GPATCH1: variants seen among roughly 807,000 people sequenced by gnomAD.
GPATCH1 encodes G-patch domain containing 1.
A neutral mutation model predicts 114.9 loss-of-function variants in GPATCH1; 73 were observed. The ratio of observed to expected loss-of-function variants is 0.64; its 90% confidence interval spans 0.53 to 0.77. The LOEUF is 0.77. Ranked by LOEUF, GPATCH1 falls within the 30% of genes least tolerant of loss-of-function variation. The pLI is 0.00. For missense variants in GPATCH1, 1,058 were observed against 1,144.3 expected (o/e 0.92, Z 1.09); for synonymous variants, 391 against 428.4 (o/e 0.91, Z 1.08).
At position 33,109,997 on chromosome 19, in the gene GPATCH1, C is replaced by CA. The variant is rs1490866511; in HGVS notation, c.1567dup (p.Met523AsnfsTer25). ...AGCGATACGACGAGTTCTTAGTACA[C>CA]ATGAAACAGGGTCAGAAAGGTGGGT... On this transcript the variant is annotated frameshift_variant, in exon 11 of 20. Coordinates refer to ENST00000170564, the MANE Select transcript of GPATCH1 (RefSeq NM_018025.3). LOFTEE classifies it high-confidence loss of function. 1 of 1,609,204 alleles carries CA rather than the reference C, an allele frequency of 6.2e-7. No homozygotes were observed. The highest frequency in any genetic ancestry group is 1.3e-5 in the African/African-American group (1 of 74,864).
intron 17 of GPATCH1, among the ~76,000 whole-genome samples, chr19:33,121,613 C>T (rs1473379545): frequency 6.6e-6 from 1 of 152,142 alleles, no homozygotes; most frequent in Non-Finnish European, 1.5e-5. Context: ...GCCACCGCAC[C>T]CGGCCGCCAA....
intron 15 of GPATCH1, among the ~76,000 whole-genome samples, chr19:33,115,111 G>A (rs1972902746): frequency 6.6e-6 from 1 of 151,190 alleles, no homozygotes; most frequent in Non-Finnish European, 1.5e-5. Context: ...GCCCAGGCTG[G>A]AGTGCAGTGT....
chr19:33,125,851 T>C (rs1327454621), intron 18 of GPATCH1, among the ~76,000 whole-genome samples: 1 of 152,240 alleles, frequency 6.6e-6, no homozygotes, highest in Non-Finnish European at 1.5e-5. Context: ...TTTGAGATTT[T>C]AGTCCGTCAC....
chr19:33,118,464 C>A (rs1440682855), intron 16 of GPATCH1, among the ~76,000 whole-genome samples: 2 of 152,120 alleles, frequency 1.3e-5, no homozygotes, highest in African/African-American at 4.8e-5. Flanking sequence ...CAGGCATAAT[C>A]CCAGTGCCCG....
intron 19 of GPATCH1, among the ~76,000 whole-genome samples, 165 bp downstream of exon 19, chr19:33,126,898 C>A (rs1973048175): frequency 6.6e-6 from 1 of 152,110 alleles, no homozygotes; most frequent in Non-Finnish European, 1.5e-5. Context: ...AGGAGGATCG[C>A]TTGAGCCCAG....
chr19:33,099,226 A>G (rs1272428280), intron 8 of GPATCH1, among the ~76,000 whole-genome samples: 1 of 151,180 alleles, frequency 6.6e-6, no homozygotes. Flanking sequence ...TTATTTATTA[A>G]AAGTGGTGGG....
chr19:33,102,645 T>G (rs1003930114), intron 9 of GPATCH1, among the ~76,000 whole-genome samples: 1 of 152,080 alleles, frequency 6.6e-6, no homozygotes, highest in African/African-American at 2.4e-5. Flanking sequence ...TCCGCCTGCC[T>G]CAGCCTCCCA....
intron 15 of GPATCH1, among the ~76,000 whole-genome samples, chr19:33,116,189 A>G (rs1405515669): frequency 6.6e-6 from 1 of 152,198 alleles, no homozygotes; most frequent in Non-Finnish European, 1.5e-5. Flanking sequence ...GCTGTCTTAC[A>G]TATTACATGT....
chr19:33,114,326 TTTGGCTAGA>T lies in GPATCH1; in HGVS notation c.2105_2113del (p.Leu702_Arg704del), dbSNP rs764378335. 1.2e-6 allele frequency: 2 copies of T among 1,613,376 alleles called. No homozygotes were observed. The highest frequency in any genetic ancestry group is 2.2e-5 in the South Asian group (2 of 91,064). ...AAGATTCCATTAGTGAATTTTTAAGTTTGGCTAGATCAAAAGCCGAGCCACCTAAACAAC... is the reference window on the plus strand; with the variant it reads ...AAGATTCCATTAGTGAATTTTTAAGTTCAAAAGCCGAGCCACCTAAACAAC... On this transcript the variant is annotated inframe_deletion, in exon 15 of 20. Transcript: ENST00000170564.
At position 33,125,106 on chromosome 19, in the gene GPATCH1, T is replaced by C; in HGVS notation, c.2523T>C (p.Asn841=). The C allele has an allele frequency of 1.3e-6, 2 of 1,596,290 alleles. No homozygotes were observed. The highest frequency in any genetic ancestry group is 1.7e-6 in the Non-Finnish European group (2 of 1,171,278). The part of the protein sequence containing the change: ...GPRLPPVFCP[N]ARQTLEVPQK... The stretch of plus-strand genomic sequence containing the variant: ...GTGTTTATTACCTTTGTGTTTCAGA[T>C]GCTCGTCAGACACTTGAGGTTCCTC... Residue 841 remains asparagine, a splice_region_variant and synonymous_variant, in exon 18 of 20, where the codon AAT becomes AAC. Coordinates refer to ENST00000170564, the MANE Select transcript of GPATCH1 (RefSeq NM_018025.3).
intron 9 of GPATCH1, among the ~76,000 whole-genome samples, chr19:33,104,345 AAG>A (rs1379774643): frequency 1.7e-5 from 2 of 117,516 alleles, no homozygotes; most frequent in Admixed American, 7.6e-5. Context: ...TCTCAAAAAA[AAG>A]AAAGAAATAC....
At chr19:33,120,688 C>A (rs569205059) in intron 17 of GPATCH1, among the ~76,000 whole-genome samples, 50 of 151,730 alleles carry the variant, frequency 3.3e-4, no homozygotes, top group African/African-American at 1.1e-3. Context: ...CAGGGAGACC[C>A]ATCTCTATTT....
At chr19:33,126,171 C>A (rs1308397129) in intron 18 of GPATCH1, among the ~76,000 whole-genome samples, 2 of 152,210 alleles carry the variant, frequency 1.3e-5, no homozygotes, top group Non-Finnish European at 2.9e-5. Context: ...GTTCGGTAAC[C>A]TTCTGCCAGT....
intron 4 of GPATCH1, 91 bp downstream of exon 4, chr19:33,093,610 A>G (rs2068116926): frequency 3.3e-6 from 4 of 1,211,346 alleles, no homozygotes; most frequent in Non-Finnish European, 3.5e-6. Context: ...ATTGCAAGTG[A>G]GACAAGCCTT....
At position 33,088,164 on chromosome 19, in the gene GPATCH1, A is replaced by G. The variant is rs753467991; in HGVS notation, c.104A>G (p.Gln35Arg). 38 of 1,568,242 alleles carry G rather than the reference A, an allele frequency of 2.4e-5. No homozygotes were observed. Among genetic ancestry groups the G allele is most frequent in the Admixed American group, 1.3e-4 (7 of 53,382 alleles). Residue 35 changes from glutamine (Q) to arginine (R), a missense_variant, in exon 2 of 20, where the codon CAG (glutamine) becomes CGG (arginine). This residue lies in a region of GPATCH1 where 131 missense variants were observed against 107.2 expected (regional missense o/e 1.22). Transcript: ENST00000170564. Reference sequence around the variant, plus strand: ...AGACCAAAGAAACCAATCCCTCTTCAGGATCAGACTGTCAGAGATGAAAAA... The same window carrying G: ...AGACCAAAGAAACCAATCCCTCTTCGGGATCAGACTGTCAGAGATGAAAAA... ...GERPKKPIPL[Q>R]DQTVRDEKGR... is the part of the protein sequence containing the mutation.
chr19:33,112,912 G>A, intron 13 of GPATCH1: 1 of 236,256 alleles, frequency 4.2e-6, no homozygotes, highest in Non-Finnish European at 8.2e-6. Flanking sequence ...CTGCTCATGT[G>A]GTTTACATTT....
chr19:33,097,951 C>G, intron 8 of GPATCH1, 49 bp downstream of exon 8: 3 of 1,573,948 alleles, frequency 1.9e-6, no homozygotes, highest in Non-Finnish European at 2.6e-6. Flanking sequence ...GTCAGGGTAT[C>G]AGGAAGGAGG....
rs766848234 is a variant in GPATCH1 at position 33,106,808 on chromosome 19, T to A, written c.1194T>A (p.Ala398=). Residue 398 remains alanine (A), a synonymous_variant, in exon 10 of 20, where the codon GCT becomes GCA. Transcript: ENST00000170564. ...SHLLQVLSES[A]GKATPDPGTH... The stretch of plus-strand genomic sequence containing the variant: ...TACTGCAGGTATTATCAGAGTCAGC[T>A]GGAAAGGCAACGCCTGACCCAGGGA... 1 of 1,613,768 alleles carries A rather than the reference T, an allele frequency of 6.2e-7. No individual in the cohort carries two copies. The highest frequency in any genetic ancestry group is 1.1e-5 in the South Asian group (1 of 91,048).
intron 8 of GPATCH1, among the ~76,000 whole-genome samples, chr19:33,099,915 C>T (rs977848766): frequency 2.6e-5 from 4 of 151,626 alleles, no homozygotes; most frequent in South Asian, 2.1e-4. Flanking sequence ...GGATTACAGG[C>T]GCCTGCTACC....
Sources: allele counts gnomAD v4.1 joint callset (sites outside exome capture counted in the v4.1 genomes callset), GRCh38; gene constraint gnomAD v4.1.1; regional missense constraint gnomAD v4.1.1; transcripts MANE v1.5; gene names NCBI Gene and HGNC (gene_info 2026-07-23, HGNC 2026-07-21).